The following DLG2 variants were observed in gnomAD, a reference collection of about 807,000 sequenced individuals.
DLG2 encodes disks large homolog 2.
DLG2 carries 45 observed loss-of-function variants against 132.5 expected under a neutral mutation model. That is an observed-to-expected ratio of 0.34 (90% CI 0.27 to 0.44). The LOEUF (loss-of-function observed/expected upper bound fraction) is 0.44. DLG2 is among the 20% of genes least tolerant of loss of function. The pLI, the probability that DLG2 is intolerant of heterozygous loss-of-function variation, is 1.00. For synonymous variants in DLG2, 424 were observed against 419.6 expected (o/e 1.01, Z -0.13); for missense variants, 1,045 against 1,196.9 (o/e 0.87, Z 1.87).
intron 6 of DLG2, among the ~76,000 whole-genome samples, chr11:84,781,909 C>T (rs1243688620): frequency 2.0e-5 from 3 of 152,014 alleles, no homozygotes; most frequent in Non-Finnish European, 2.9e-5. Flanking sequence ...GGGTCTAAGA[C>T]AGAGGCTGGA....
intron 3 of DLG2, among the ~76,000 whole-genome samples, chr11:85,349,938 T>G (rs891713582): frequency 1.3e-5 from 2 of 152,218 alleles, no homozygotes; most frequent in Admixed American, 6.5e-5. Context: ...GTAATGGGAT[T>G]GCTAGGTCAA....
At position 83,908,662 on chromosome 11, in the gene DLG2, G is replaced by C. The variant is rs185561576; in HGVS notation, c.1496+21666C>G. Among the ~76,000 whole-genome samples, 200 of 152,164 alleles carry C rather than the reference G, an allele frequency of 1.3e-3. 1 individual carries two copies. The highest frequency in any genetic ancestry group is 2.5e-3 in the Non-Finnish European group (169 of 67,994). ...AGAGTAAACACTATTTGCTTAGTAA[G>C]TATTTGTTGAATTAAAGATTATTGC... On this transcript the variant is annotated intron_variant, in intron 15 of 27. Transcript: ENST00000376104.
At chr11:84,579,314 C>A (rs2099510975) in intron 6 of DLG2, among the ~76,000 whole-genome samples, 1 of 151,620 alleles carries the variant, frequency 6.6e-6, no homozygotes, top group Non-Finnish European at 1.5e-5. Context: ...TCAATAAGAC[C>A]TTAGCCAATT....
At chr11:84,936,234 T>A (rs1286695724) in intron 6 of DLG2, among the ~76,000 whole-genome samples, 2 of 152,206 alleles carry the variant, frequency 1.3e-5, no homozygotes, top group Non-Finnish European at 2.9e-5. Flanking sequence ...TCATGTGGCC[T>A]CATTTTAAGT....
chr11:84,301,871 T>TCATTCTAC (rs2098159657), intron 7 of DLG2, among the ~76,000 whole-genome samples: 1 of 152,074 alleles, frequency 6.6e-6, no homozygotes, highest in Admixed American at 6.5e-5. Flanking sequence ...GGATTATAGA[T>TCATTCTAC]CATTCTACTA....
chr11:85,621,618 G>T (rs2081708937), intron 2 of DLG2, among the ~76,000 whole-genome samples: 1 of 152,222 alleles, frequency 6.6e-6, no homozygotes, highest in Non-Finnish European at 1.5e-5. Flanking sequence ...TTCAGTGGAA[G>T]AAGTAACTTC....
chr11:85,053,685 C>A (rs1391761660), intron 6 of DLG2, among the ~76,000 whole-genome samples: 1 of 147,414 alleles, frequency 6.8e-6, no homozygotes. Flanking sequence ...GCCTGTAGTC[C>A]CAGCTACTCG....
chr11:83,557,248 T>A (rs1337107585), intron 19 of DLG2, among the ~76,000 whole-genome samples: 1 of 152,232 alleles, frequency 6.6e-6, no homozygotes, highest in Non-Finnish European at 1.5e-5. Context: ...ATTTGGTTTG[T>A]TTGTTAAATG....
At chr11:84,994,123 T>G (rs1251271986) in intron 6 of DLG2, among the ~76,000 whole-genome samples, 1 of 152,342 alleles carries the variant, frequency 6.6e-6, no homozygotes, top group East Asian at 1.9e-4. Context: ...GTAAAAACTG[T>G]GGCTCTTTCT....
chr11:84,399,109 T>C (rs1383804093), intron 7 of DLG2, among the ~76,000 whole-genome samples: 1 of 152,170 alleles, frequency 6.6e-6, no homozygotes, highest in Non-Finnish European at 1.5e-5. Flanking sequence ...TACACACATC[T>C]CTTAGTCTAA....
At chr11:85,070,237 G>T (rs949116981) in intron 6 of DLG2, among the ~76,000 whole-genome samples, 1 of 151,676 alleles carries the variant, frequency 6.6e-6, no homozygotes, top group Non-Finnish European at 1.5e-5. Context: ...CACCAACATG[G>T]CACATGTATA....
chr11:84,202,705 T>G (rs548422799), intron 8 of DLG2, among the ~76,000 whole-genome samples: 1 of 152,158 alleles, frequency 6.6e-6, no homozygotes, highest in Non-Finnish European at 1.5e-5. Context: ...GAGAATATTT[T>G]TGCAATCTAT....
intron 11 of DLG2, among the ~76,000 whole-genome samples, chr11:83,984,269 T>C (rs1228259455): frequency 6.6e-6 from 1 of 151,978 alleles, no homozygotes; most frequent in Non-Finnish European, 1.5e-5. Flanking sequence ...TGAGATTGGG[T>C]TTATGTGCTT....
At chr11:83,957,204 G>A (rs2087106169) in intron 14 of DLG2, among the ~76,000 whole-genome samples, 1 of 152,182 alleles carries the variant, frequency 6.6e-6, no homozygotes, top group African/African-American at 2.4e-5. Flanking sequence ...AGAAACATTT[G>A]ACAAACAGTG....
intron 6 of DLG2, among the ~76,000 whole-genome samples, chr11:84,941,697 CTTT>C (rs550984313): frequency 1.4e-5 from 2 of 141,574 alleles, no homozygotes; most frequent in East Asian, 2.0e-4. Context: ...CTTTCTTTCT[CTTT>C]TTTTTTTTTT....
intron 11 of DLG2, among the ~76,000 whole-genome samples, chr11:84,042,578 T>C (rs1204398362): frequency 6.6e-6 from 1 of 151,904 alleles, no homozygotes; most frequent in Admixed American, 6.6e-5. Context: ...CATTTGAAAG[T>C]TACCTTTATA....
At chr11:85,433,846 C>A (rs2091328077) in intron 3 of DLG2, among the ~76,000 whole-genome samples, 1 of 152,158 alleles carries the variant, frequency 6.6e-6, no homozygotes, top group Non-Finnish European at 1.5e-5. Flanking sequence ...AATCTCCACC[C>A]CAAAACTACA....
At chr11:83,858,009 T>C (rs2060827610) in intron 16 of DLG2, among the ~76,000 whole-genome samples, 1 of 152,172 alleles carries the variant, frequency 6.6e-6, no homozygotes, top group African/African-American at 2.4e-5. Flanking sequence ...TGCGAACAAG[T>C]TGATCCTAAG....
intron 6 of DLG2, among the ~76,000 whole-genome samples, chr11:85,044,900 G>A (rs2062193144): frequency 6.6e-6 from 1 of 152,000 alleles, no homozygotes; most frequent in South Asian, 2.1e-4. Context: ...TTAAGTAAAT[G>A]GGAAATAAGT....
Sources: gnomAD v4.1 joint callset for allele counts (sites outside exome capture counted in the v4.1 genomes callset) on GRCh38, gnomAD v4.1.1 for gene constraint, MANE v1.5 for transcripts, NCBI Gene and HGNC (gene_info 2026-07-23, HGNC 2026-07-21) for gene names.